MCF2L: variants seen among roughly 807,000 people sequenced by gnomAD.
The protein encoded by MCF2L is guanine nucleotide exchange factor DBS.
Under a neutral mutation model 153.4 loss-of-function variants are expected in MCF2L, and 97 were observed. That is an observed-to-expected ratio of 0.63 (90% CI 0.54 to 0.75). The LOEUF (loss-of-function observed/expected upper bound fraction) is 0.75. MCF2L is among the 30% of genes least tolerant of loss of function. The pLI, the probability that MCF2L is intolerant of heterozygous loss-of-function variation, is 0.00. For synonymous variants in MCF2L, 659 were observed against 632.2 expected, an observed-to-expected ratio of 1.04 and a Z score of -0.64; for missense variants, 1,347 against 1,495.2, an observed-to-expected ratio of 0.90 and a Z score of 1.64.
chr13:112,915,227 G>A (rs769517368), intron 2 of MCF2L, among the ~76,000 whole-genome samples: 6 of 151,718 alleles, frequency 4.0e-5, no homozygotes, highest in Non-Finnish European at 7.4e-5. Context: ...GGCTAACACG[G>A]TGAAATCCTA....
At position 113,094,481 on chromosome 13, in the gene MCF2L, GGGGGGTCCCTCAC is replaced by G. The variant is rs777846353; in HGVS notation, c.2954-29_2954-17del. ...CAGATGCAGACAGCGGCTCATCACCGGGGGGTCCCTCACGGGTGTCTGTCTCTCTTAGGTTGGA... is the reference window on the plus strand; with the variant it reads ...CAGATGCAGACAGCGGCTCATCACCGGGGTGTCTGTCTCTCTTAGGTTGGA... On this transcript the variant is annotated intron_variant, in intron 26 of 29. Transcript: ENST00000535094. 1.9e-6 allele frequency: 3 copies of G among 1,584,580 alleles called. No homozygotes were observed. Among genetic ancestry groups the G allele is most frequent in the Non-Finnish European group, 2.6e-6 (3 of 1,165,356 alleles).
intron 1 of MCF2L, among the ~76,000 whole-genome samples, chr13:112,895,851 C>T (rs1566623419): frequency 6.6e-6 from 1 of 151,962 alleles, no homozygotes; most frequent in Non-Finnish European, 1.5e-5. Context: ...TTTCACCGGG[C>T]TGTGCAGCGG....
At chr13:112,964,785 G>C (rs572920184), upstream of MCF2L, 3 of 152,326 alleles carry the variant, frequency 2.0e-5, no homozygotes, top group South Asian at 6.2e-4. Flanking sequence ...AGACATTGCT[G>C]TTACAATTTT....
intron 15 of MCF2L, 140 bp downstream of exon 15, chr13:113,078,879 C>T (rs1293249749): frequency 2.1e-5 from 17 of 817,716 alleles, no homozygotes; most frequent in Middle Eastern, 3.5e-4. Flanking sequence ...TTTGCACCAA[C>T]CGATACCCAG....
rs79226969 is a variant in MCF2L at position 112,945,716 on chromosome 13, C to T, written c.169+43345C>T. ...AATGGGATGGCATCTTGCATCATGGCGGTTCTGTCTAGTGGGAGAATGATA... is the reference window on the plus strand; with the variant it reads ...AATGGGATGGCATCTTGCATCATGGTGGTTCTGTCTAGTGGGAGAATGATA... On this transcript the variant is annotated intron_variant, in intron 2 of 29. Coordinates refer to the MCF2L transcript ENST00000375608. 4.4e-3 allele frequency among the ~76,000 whole-genome samples: 672 copies of T among 152,290 alleles called. 3 individuals carry two copies. The highest frequency in any genetic ancestry group is 0.016 in the African/African-American group (652 of 41,554).
chr13:113,064,579 A>G lies in MCF2L; in HGVS notation c.606+159A>G, dbSNP rs780064774. 1 of 602,044 alleles carries G rather than the reference A, an allele frequency of 1.7e-6. No homozygotes were observed. Among genetic ancestry groups the G allele is most frequent in the East Asian group, 2.8e-5 (1 of 35,150 alleles). The allele number at this position is 602,044 out of a possible 1,614,324, so 37.3% of individuals were successfully genotyped here. A position where few individuals can be genotyped will look rare whatever the true frequency, so the allele number is the denominator to read the frequency against. On this transcript the variant is annotated intron_variant, in intron 6 of 29. Coordinates refer to ENST00000535094, the MANE Select transcript of MCF2L (RefSeq NM_001112732.3). The surrounding 1 kb of genome is among the most constrained non-coding windows in gnomAD (Gnocchi z 6.0). Reference sequence around the variant, plus strand: ...GAGATGGTCTCAGTGGACCTTAGTCATTGTAAAGAAGTAACGTGAGTCATA... The same window carrying G: ...GAGATGGTCTCAGTGGACCTTAGTCGTTGTAAAGAAGTAACGTGAGTCATA...
chr13:112,968,736 G>A (rs2081942920), upstream of MCF2L: 2 of 1,383,904 alleles, frequency 1.4e-6, no homozygotes, highest in Non-Finnish European at 9.3e-7. Context: ...CGGCGGCCAG[G>A]CGCGGCCCCG....
rs1595010541 is a variant in MCF2L, at chr13:113,088,773, G to A, written c.2834+145G>A. The A allele has an allele frequency of 2.1e-5, 17 of 804,414 alleles. No homozygotes were observed. The East Asian group carries it at 2.1e-4, about 10-fold the overall frequency. The allele number at this position is 804,414 out of a possible 1,614,324, so 49.8% of individuals were successfully genotyped here. On this transcript the variant is annotated intron_variant, in intron 25 of 29. Transcript: ENST00000535094. ...AGGCCCCTGGTGTTTATGTGCTGAC[G>A]GGTCCGTCCCAGAGGGTGTACTTCA...
intron 1 of MCF2L, among the ~76,000 whole-genome samples, chr13:112,895,290 G>A (rs1028203949): frequency 2.0e-5 from 3 of 152,178 alleles, no homozygotes; most frequent in African/African-American, 7.2e-5. Context: ...CACAGAGCCG[G>A]GACCCCGAAG....
chr13:113,022,039 A>G (rs2084916383), intron 2 of MCF2L, among the ~76,000 whole-genome samples: 1 of 152,104 alleles, frequency 6.6e-6, no homozygotes, highest in African/African-American at 2.4e-5. Flanking sequence ...TCCTGTGGCT[A>G]GCTCCTGCCC....
chr13:112,958,089 T>C (rs1026996813), intron 2 of MCF2L: 1 of 152,180 alleles, frequency 6.6e-6, no homozygotes, highest in Non-Finnish European at 1.5e-5. Flanking sequence ...AGATGCCAGT[T>C]TGTTGAGGTG....
intron 1 of MCF2L, among the ~76,000 whole-genome samples, chr13:113,003,279 C>T (rs2083483782): frequency 6.7e-6 from 1 of 149,384 alleles, no homozygotes; most frequent in Admixed American, 6.6e-5. Flanking sequence ...TTTGGGGCAC[C>T]ATGGAAGGCT....
chr13:113,035,598 G>A lies in MCF2L; in HGVS notation c.279-9673G>A, dbSNP rs1044845879. ...TTTCTTCCATGAGGATGCGGTTCCC[G>A]TGTCCCCCAGGACAGCTTCGTGGCC... On this transcript the variant is annotated intron_variant, in intron 3 of 29. Coordinates refer to ENST00000535094, the MANE Select transcript of MCF2L (RefSeq NM_001112732.3). The surrounding 1 kb of genome is among the most constrained non-coding windows in gnomAD (Gnocchi z 4.4). 6.6e-6 allele frequency among the ~76,000 whole-genome samples: 1 copy of A among 152,146 alleles called. No individual in the cohort carries two copies. Among genetic ancestry groups the A allele is most frequent in the African/African-American group, 2.4e-5 (1 of 41,422 alleles).
At chr13:113,040,115 G>C (rs1369366143) in intron 3 of MCF2L, among the ~76,000 whole-genome samples, 2 of 152,184 alleles carry the variant, frequency 1.3e-5, no homozygotes, top group Admixed American at 1.3e-4. Context: ...GTTGAAAGAA[G>C]CCAGACAGCA....
chr13:112,918,092 T>C (rs1167025903), intron 2 of MCF2L, among the ~76,000 whole-genome samples: 1 of 152,268 alleles, frequency 6.6e-6, no homozygotes, highest in African/African-American at 2.4e-5. Flanking sequence ...TGTTAACCTC[T>C]TGAAGGCAGG....
chr13:112,957,121 G>A lies in MCF2L; in HGVS notation c.169+54750G>A, dbSNP rs187688112. On this transcript the variant is annotated intron_variant, in intron 2 of 29. Coordinates refer to the MCF2L transcript ENST00000375608. Reference sequence around the variant, plus strand: ...AGCAAAGGATAATGGTGCATTATCTGTTGACGTGACCCTGGAGAGCTCTAA... The same window carrying A: ...AGCAAAGGATAATGGTGCATTATCTATTGACGTGACCCTGGAGAGCTCTAA... 49 of 152,094 alleles carry A rather than the reference G, an allele frequency of 3.2e-4. 1 individual carries two copies. Among genetic ancestry groups the A allele is most frequent in the Admixed American group, 2.8e-3 (43 of 15,272 alleles). 9.4% of individuals were successfully genotyped at this position (152,094 alleles called of 1,614,324 possible).
At chr13:112,995,696 T>A (rs879629379) in intron 1 of MCF2L, among the ~76,000 whole-genome samples, 1 of 152,112 alleles carries the variant, frequency 6.6e-6, no homozygotes, top group Non-Finnish European at 1.5e-5. Flanking sequence ...GCTGCTGGCA[T>A]CCTGTCACCG....
intron 1 of MCF2L, among the ~76,000 whole-genome samples, chr13:112,901,827 C>T (rs775006699): frequency 3.3e-5 from 5 of 152,154 alleles, no homozygotes; most frequent in African/African-American, 4.8e-5. Flanking sequence ...TTTGCCAGTT[C>T]GGCGAATTAG....
At chr13:112,912,404 C>A (rs933001753) in intron 2 of MCF2L, among the ~76,000 whole-genome samples, 1 of 152,090 alleles carries the variant, frequency 6.6e-6, no homozygotes, top group African/African-American at 2.4e-5. Flanking sequence ...GCAACCACTG[C>A]CTCCTGGGTT....
Sources: allele counts gnomAD v4.1 joint callset (sites outside exome capture counted in the v4.1 genomes callset), GRCh38; gene constraint gnomAD v4.1.1; non-coding constraint Gnocchi (gnomAD v3.1); transcripts MANE v1.5; gene names NCBI Gene and HGNC (gene_info 2026-07-23, HGNC 2026-07-21).